Variants in HS3ST4 observed in about 807,000 individuals in gnomAD.
HS3ST4 encodes the protein heparan sulfate glucosamine 3-O-sulfotransferase 4.
A neutral mutation model predicts 29.2 loss-of-function variants in HS3ST4; 17 were observed. The ratio of observed to expected loss-of-function variants is 0.58; its 90% CI spans 0.40 to 0.87. HS3ST4 has a LOEUF of 0.87. HS3ST4 is among the 40% of genes least tolerant of loss of function. HS3ST4 has a pLI of 0.00. For synonymous variants in HS3ST4, 314 were observed against 285.7 expected (o/e 1.10, Z -1.00); for missense variants, 627 against 634.5 (o/e 0.99, Z 0.13).
At chr16:26,131,472 G>T (rs1210586869) in intron 1 of HS3ST4, among the ~76,000 whole-genome samples, 1 of 152,120 alleles carries the variant, frequency 6.6e-6, no homozygotes, top group Non-Finnish European at 1.5e-5. Flanking sequence ...AGCGTTACTG[G>T]TCTTCCTTCT....
chr16:26,090,559 G>A (rs8058115), intron 1 of HS3ST4, among the ~76,000 whole-genome samples: 81,745 of 151,324 alleles, frequency 0.54, 22,832 homozygotes, highest in African/African-American at 0.67. Flanking sequence ...CCAAAGAGCA[G>A]AGCCCATAAA....
chr16:25,841,364 A>C (rs918948603), intron 1 of HS3ST4, among the ~76,000 whole-genome samples: 7 of 152,062 alleles, frequency 4.6e-5, no homozygotes, highest in African/African-American at 1.7e-4. Context: ...CAGTGGCGTG[A>C]TCATGGCTCA....
chr16:26,041,176 A>C (rs1022245956), intron 1 of HS3ST4, among the ~76,000 whole-genome samples: 8 of 151,866 alleles, frequency 5.3e-5, no homozygotes, highest in African/African-American at 1.5e-4. Flanking sequence ...CGTCTCTATA[A>C]AAGCATTTTT....
intron 1 of HS3ST4, among the ~76,000 whole-genome samples, chr16:26,125,696 C>A (rs1899333729): frequency 6.6e-6 from 1 of 152,234 alleles, no homozygotes; most frequent in Non-Finnish European, 1.5e-5. Flanking sequence ...CTTCTATGTC[C>A]TTAGTCCTCA....
chr16:25,829,753 A>AT (rs1967274409), intron 1 of HS3ST4, among the ~76,000 whole-genome samples: 1 of 137,278 alleles, frequency 7.3e-6, no homozygotes, highest in African/African-American at 2.8e-5. Flanking sequence ...ACATGAGCTC[A>AT]TTCTTTTTTA....
At position 25,868,119 on chromosome 16, in the gene HS3ST4, G is replaced by A. The variant is rs182432840; in HGVS notation, c.734+174968G>A. Among the ~76,000 whole-genome samples the A allele has an allele frequency of 8.5e-5, 13 of 152,114 alleles. No homozygotes were observed. The East Asian group carries it at 1.7e-3, about 20-fold the overall frequency. On this transcript the variant is annotated intron_variant, in intron 1 of 1. Coordinates refer to ENST00000331351, the MANE Select transcript of HS3ST4 (RefSeq NM_006040.3). ...GTGTTTGCTCAATCTGAATCTGCCCGCCTTGCTTGTCTTGTTTCTTCTGCT... is the reference window on the plus strand; with the variant it reads ...GTGTTTGCTCAATCTGAATCTGCCCACCTTGCTTGTCTTGTTTCTTCTGCT...
intron 1 of HS3ST4, among the ~76,000 whole-genome samples, chr16:25,903,196 T>G (rs74015241): frequency 4.2e-4 from 64 of 151,602 alleles, no homozygotes; most frequent in African/African-American, 1.5e-3. Context: ...AGTGATTCTT[T>G]TTTCTCCCAC....
intron 1 of HS3ST4, among the ~76,000 whole-genome samples, chr16:25,939,039 A>T (rs191673676): frequency 1.7e-3 from 258 of 152,216 alleles, no homozygotes; most frequent in African/African-American, 5.9e-3. Flanking sequence ...CTGAATGCAT[A>T]AATTTGGCCC....
intron 1 of HS3ST4, among the ~76,000 whole-genome samples, chr16:25,914,319 G>A (rs114063087): frequency 0.012 from 1,741 of 150,336 alleles, 41 homozygotes; most frequent in African/African-American, 0.041. Context: ...GTGTGTATAG[G>A]GGTATATGTG....
chr16:25,749,610 TTAG>T (rs1284859828), intron 1 of HS3ST4, among the ~76,000 whole-genome samples: 1 of 152,154 alleles, frequency 6.6e-6, no homozygotes, highest in Non-Finnish European at 1.5e-5. Context: ...GCTGCCTGCC[TTAG>T]TCCTTCTATG....
chr16:26,120,583 G>T (rs1490036015), intron 1 of HS3ST4, among the ~76,000 whole-genome samples: 2 of 152,222 alleles, frequency 1.3e-5, no homozygotes, highest in African/African-American at 2.4e-5. Flanking sequence ...TAGAGCTGGT[G>T]CGTGGCAGTG....
intron 1 of HS3ST4, among the ~76,000 whole-genome samples, chr16:26,079,649 A>C (rs1394495757): frequency 3.3e-5 from 5 of 152,236 alleles, no homozygotes; most frequent in Admixed American, 3.3e-4. Context: ...CAAAATTATC[A>C]GTCCAAAAAG....
chr16:25,857,832 A>T lies in HS3ST4; in HGVS notation c.734+164681A>T, dbSNP rs559832330. The stretch of plus-strand genomic sequence containing the variant: ...TAGCGTGAAAGCATTTTGTCCTGGA[A>T]TCCTTAATTTGTCATAGATTCCTTA... On this transcript the variant is annotated intron_variant, in intron 1 of 1. Coordinates refer to ENST00000331351, the MANE Select transcript of HS3ST4 (RefSeq NM_006040.3). Among the ~76,000 whole-genome samples the T allele has an allele frequency of 1.5e-3, 227 of 152,072 alleles. 2 individuals carry two copies. Among genetic ancestry groups the T allele is most frequent in the Non-Finnish European group, 1.7e-3 (113 of 67,966 alleles).
chr16:25,692,376 G>C lies in HS3ST4; in HGVS notation c.-42G>C. The C allele has an allele frequency of 2.3e-6, 1 of 436,024 alleles. No homozygotes were observed. Among genetic ancestry groups the C allele is most frequent in the Non-Finnish European group, 3.1e-6 (1 of 327,800 alleles). The allele number at this position is 436,024 out of a possible 1,614,324, so 27.0% of individuals were successfully genotyped here. On this transcript the variant is annotated 5_prime_UTR_variant, in exon 1 of 2. Coordinates refer to ENST00000331351, the MANE Select transcript of HS3ST4 (RefSeq NM_006040.3). ...GAAACCATGTCCGGGCAGCGCCGGG[G>C]GCTGCCGCCGCCGCCGCCGCCGCCG...
chr16:25,736,893 G>C (rs916589043), intron 1 of HS3ST4, among the ~76,000 whole-genome samples: 2 of 151,948 alleles, frequency 1.3e-5, no homozygotes, highest in Non-Finnish European at 2.9e-5. Context: ...CTGTCGCCCA[G>C]GCTGGAGTGC....
intron 1 of HS3ST4, among the ~76,000 whole-genome samples, chr16:25,990,297 T>C (rs1200625769): frequency 6.6e-6 from 1 of 152,202 alleles, no homozygotes; most frequent in African/African-American, 2.4e-5. Context: ...CTGGGTTATA[T>C]GGTAAGGGTA....
chr16:26,078,066 A>C lies in HS3ST4; in HGVS notation c.735-57546A>C, dbSNP rs146155777. On this transcript the variant is annotated intron_variant, in intron 1 of 1. Transcript: ENST00000331351. ...GGGTAACAGAACAAAACTTGGTTTCAAAAAATATGTAAAAAAATGAACAGT... is the reference window on the plus strand; with the variant it reads ...GGGTAACAGAACAAAACTTGGTTTCCAAAAATATGTAAAAAAATGAACAGT... Among the ~76,000 whole-genome samples, 554 of 152,358 alleles carry C rather than the reference A, an allele frequency of 3.6e-3. 7 individuals are homozygous for C. Among genetic ancestry groups the C allele is most frequent in the Admixed American group, 9.9e-3 (151 of 15,300 alleles).
At chr16:26,107,538 G>A (rs11867141) in intron 1 of HS3ST4, among the ~76,000 whole-genome samples, 4 of 152,180 alleles carry the variant, frequency 2.6e-5, no homozygotes, top group Admixed American at 2.0e-4. Context: ...ATCCCTCACT[G>A]CCACTCACTC....
At chr16:26,042,715 T>G (rs1969646154) in intron 1 of HS3ST4, among the ~76,000 whole-genome samples, 1 of 152,314 alleles carries the variant, frequency 6.6e-6, no homozygotes, top group East Asian at 1.9e-4. Context: ...TCCCAAAAGA[T>G]GAAAGCAAAC....
Sources: gnomAD v4.1 joint callset for allele counts (sites outside exome capture counted in the v4.1 genomes callset) on GRCh38, gnomAD v4.1.1 for gene constraint, MANE v1.5 for transcripts, NCBI Gene and HGNC (gene_info 2026-07-23, HGNC 2026-07-21) for gene names.